Variants in IGFBP4 observed in about 807,000 individuals in gnomAD.
IGFBP4 encodes insulin-like growth factor-binding protein 4.
In IGFBP4, 9 loss-of-function variants were observed where a neutral mutation model predicts 25.8. That is an observed-to-expected ratio of 0.35 (90% CI 0.21 to 0.61). The LOEUF (loss-of-function observed/expected upper bound fraction) is 0.61, where lower values mean the gene tolerates loss of function less well. IGFBP4 is among the 20% of genes least tolerant of loss of function. The pLI is 0.77. For missense variants in IGFBP4, 315 were observed against 365.3 expected, an observed-to-expected ratio of 0.86 and a Z score of 1.12; for synonymous variants, 153 against 153.9, an observed-to-expected ratio of 0.99 and a Z score of 0.05.
chr17:40,449,440 A>T (rs117249838), intron 1 of IGFBP4, among the ~76,000 whole-genome samples: 3,927 of 151,614 alleles, frequency 0.026, 61 homozygotes, highest in Middle Eastern at 0.065. Context: ...ACACAGTGAC[A>T]CCCTGTCTCT....
chr17:40,447,768 C>T (rs558630305), intron 1 of IGFBP4, among the ~76,000 whole-genome samples: 40 of 152,256 alleles, frequency 2.6e-4, no homozygotes, highest in African/African-American at 8.7e-4. Flanking sequence ...GGACCTGCCT[C>T]ACAGGGTTGG....
chr17:40,456,318 A>G (rs773625932), intron 3 of IGFBP4, 131 bp from the exon 4 acceptor site: 15 of 838,400 alleles, frequency 1.8e-5, no homozygotes, highest in Non-Finnish European at 2.7e-5. Flanking sequence ...AAAAAGAGTC[A>G]CCACCCTCAG....
chr17:40,451,840 T>C (rs2143742314), intron 1 of IGFBP4, among the ~76,000 whole-genome samples: 1 of 152,208 alleles, frequency 6.6e-6, no homozygotes, highest in Non-Finnish European at 1.5e-5. Flanking sequence ...TATTTTATTT[T>C]ATTTTATTTT....
intron 1 of IGFBP4, among the ~76,000 whole-genome samples, chr17:40,449,534 G>A (rs2035670252): frequency 6.6e-6 from 1 of 152,128 alleles, no homozygotes. Flanking sequence ...GGATCACGAG[G>A]TCAGGAGATC....
intron 1 of IGFBP4, among the ~76,000 whole-genome samples, chr17:40,448,190 A>G (rs2035661087): frequency 6.6e-6 from 1 of 152,198 alleles, no homozygotes. Context: ...GGCTGGGCCC[A>G]CTCAGTTCAT....
At position 40,443,653 on chromosome 17, in the gene IGFBP4, T is replaced by TGTGCCCTCCGCCGC; in HGVS notation, c.-82_-69dup. 2 of 656,582 alleles carry TGTGCCCTCCGCCGC rather than the reference T, an allele frequency of 3.0e-6. No individual in the cohort carries two copies. The highest frequency in any genetic ancestry group is 3.9e-6 in the Non-Finnish European group (2 of 514,010). The allele number at this position is 656,582 out of a possible 1,614,324, so 40.7% of individuals were successfully genotyped here. On this transcript the variant is annotated 5_prime_UTR_variant, in exon 1 of 4. Transcript: ENST00000269593. ...CCAGGAGCGCCAGGCGCTGCCGCCGTGTGCCCTCCGCCGCTCGCCCGCGCG... is the reference window on the plus strand; with the variant it reads ...CCAGGAGCGCCAGGCGCTGCCGCCGTGTGCCCTCCGCCGCGTGCCCTCCGCCGCTCGCCCGCGCG...
At chr17:40,444,663 C>T (rs1355630224) in intron 1 of IGFBP4, among the ~76,000 whole-genome samples, 3 of 152,000 alleles carry the variant, frequency 2.0e-5, no homozygotes, top group Non-Finnish European at 2.9e-5. Context: ...GTTTGAGAGG[C>T]AGTGGGAAGA....
chr17:40,443,850 C>A lies in IGFBP4; in HGVS notation c.115C>A (p.Arg39Ser). ...PCSEEKLARC[R>S]PPVGCEELVR... ...CTCCGAGGAGAAGCTGGCGCGCTGC[C>A]GCCCCCCCGTGGGCTGCGAGGAGCT... Residue 39 changes from arginine (R) to serine (S), a missense_variant, in exon 1 of 4, where the codon CGC (arginine) becomes AGC (serine). Coordinates refer to ENST00000269593, the MANE Select transcript of IGFBP4 (RefSeq NM_001552.3). 1.3e-6 allele frequency: 2 copies of A among 1,532,104 alleles called. No individual in the cohort carries two copies. The highest frequency in any genetic ancestry group is 8.7e-7 in the Non-Finnish European group (1 of 1,145,576). The allele number at this position is 1,532,104 out of a possible 1,614,324, so 94.9% of individuals were successfully genotyped here. A position where few individuals can be genotyped will look rare whatever the true frequency, so the allele number is the denominator to read the frequency against.
intron 1 of IGFBP4, among the ~76,000 whole-genome samples, chr17:40,445,875 C>G (rs1348874966): frequency 1.3e-5 from 2 of 152,130 alleles, no homozygotes; most frequent in African/African-American, 4.8e-5. Context: ...TCTCTCAGCA[C>G]TTTGAATGCA....
intron 3 of IGFBP4, among the ~76,000 whole-genome samples, chr17:40,455,197 C>A (rs1316731842): frequency 2.0e-5 from 3 of 152,140 alleles, no homozygotes; most frequent in Non-Finnish European, 4.4e-5. Flanking sequence ...CTGTCATCCA[C>A]CCCAGTTTCC....
chr17:40,448,261 C>G (rs1227066737), intron 1 of IGFBP4, among the ~76,000 whole-genome samples: 1 of 152,264 alleles, frequency 6.6e-6, no homozygotes, highest in Non-Finnish European at 1.5e-5. Context: ...AGGGTAAAAT[C>G]AGGCAACAGG....
chr17:40,444,858 CAG>C lies in IGFBP4; in HGVS notation c.349+798_349+799del, dbSNP rs112583043. On this transcript the variant is annotated intron_variant, in intron 1 of 3. Transcript: ENST00000269593. Reference sequence around the variant, plus strand: ...GGGCCAGGGCGCCAGGGGAGAGAAACAGAGAGAGAGAGAGAGAGAGAGAGAAA... The same window carrying C: ...GGGCCAGGGCGCCAGGGGAGAGAAACAGAGAGAGAGAGAGAGAGAGAGAAA... Among the ~76,000 whole-genome samples the C allele has an allele frequency of 4.0e-3, 493 of 122,566 alleles. 3 individuals are homozygous for C. Among genetic ancestry groups the C allele is most frequent in the African/African-American group, 9.8e-3 (310 of 31,692 alleles). The allele number at this position is 122,566 out of a possible 152,430, so 80.4% of individuals were successfully genotyped here.
At chr17:40,454,181 A>T in intron 3 of IGFBP4, 119 bp downstream of exon 3, 1 of 1,398,486 alleles carries the variant, frequency 7.2e-7, no homozygotes, top group Non-Finnish European at 9.5e-7. Flanking sequence ...ACCCCAACCC[A>T]ACCCCTTGGA....
At chr17:40,445,229 C>T (rs1318515931) in intron 1 of IGFBP4, among the ~76,000 whole-genome samples, 5 of 152,158 alleles carry the variant, frequency 3.3e-5, no homozygotes, top group African/African-American at 7.2e-5. Flanking sequence ...CTGCTTCTCT[C>T]CCTCTCTTTC....
At position 40,453,343 on chromosome 17, in the gene IGFBP4, T is replaced by C. The variant is rs1322750473; in HGVS notation, c.507+201T>C. On this transcript the variant is annotated intron_variant, in intron 2 of 3. Coordinates refer to ENST00000269593, the MANE Select transcript of IGFBP4 (RefSeq NM_001552.3). This position sits in a 1 kb window ranked among gnomAD's most constrained non-coding sequence, Gnocchi z 4.0. ...GGACCCAGAGAAAGCACTCATTCCC[T>C]TCCTTGGGATTCCTTTCCTGCCCAT... Among the ~76,000 whole-genome samples, 1 of 152,188 alleles carries C rather than the reference T, an allele frequency of 6.6e-6. No individual in the cohort carries two copies. Among genetic ancestry groups the C allele is most frequent in the Non-Finnish European group, 1.5e-5 (1 of 68,034 alleles).
chr17:40,452,178 G>C (rs1014386233), intron 1 of IGFBP4, among the ~76,000 whole-genome samples: 5 of 152,318 alleles, frequency 3.3e-5, no homozygotes, highest in Admixed American at 2.0e-4. Flanking sequence ...GCCTTCAGGA[G>C]ATCCCACAGA....
In IGFBP4 at chr17:40,453,776, C is replaced by T. The variant is rs2035699400; in HGVS notation, c.508-152C>T. ...ACCCTCCCAGTGTGTCCTCCAGACCCAGGCCTCTCTCTTCACCTCACTGGG... is the reference window on the plus strand; with the variant it reads ...ACCCTCCCAGTGTGTCCTCCAGACCTAGGCCTCTCTCTTCACCTCACTGGG... On this transcript the variant is annotated intron_variant, in intron 2 of 3. Coordinates refer to ENST00000269593, the MANE Select transcript of IGFBP4 (RefSeq NM_001552.3). This position sits in a 1 kb window ranked among gnomAD's most constrained non-coding sequence, Gnocchi z 4.0. The T allele has an allele frequency of 1.8e-6, 1 of 550,300 alleles. No individual in the cohort carries two copies. Among genetic ancestry groups the T allele is most frequent in the Non-Finnish European group, 3.1e-6 (1 of 318,722 alleles). 34.1% of individuals were successfully genotyped at this position (550,300 alleles called of 1,614,324 possible). A position where few individuals can be genotyped will look rare whatever the true frequency, so the allele number is the denominator to read the frequency against.
intron 1 of IGFBP4, 140 bp from the exon 2 acceptor site, chr17:40,452,845 C>G (rs368324746): frequency 1.7e-6 from 1 of 597,094 alleles, no homozygotes; most frequent in South Asian, 3.2e-5. Flanking sequence ...CTTGTTTCTT[C>G]CCGCTCCCCA....
chr17:40,446,973 C>G (rs771832250), intron 1 of IGFBP4, among the ~76,000 whole-genome samples: 1 of 152,262 alleles, frequency 6.6e-6, no homozygotes, highest in Non-Finnish European at 1.5e-5. Flanking sequence ...CCCCTACCCA[C>G]CCATCTTTTT....
Sources: gnomAD v4.1 joint callset for allele counts (sites outside exome capture counted in the v4.1 genomes callset) on GRCh38, gnomAD v4.1.1 for gene constraint, Gnocchi (gnomAD v3.1) non-coding constraint, MANE v1.5 for transcripts, NCBI Gene and HGNC (gene_info 2026-07-23, HGNC 2026-07-21) for gene names.